Variants in XKR6 observed in about 807,000 individuals in gnomAD.
XKR6 encodes the protein XK-related protein 6.
In XKR6, 22 loss-of-function variants were observed where a neutral mutation model predicts 56.7. The observed-to-expected ratio is 0.39, with a 90% CI of 0.28 to 0.55. The LOEUF (loss-of-function observed/expected upper bound fraction) is 0.55. Ranked by LOEUF, XKR6 falls within the 20% of genes least tolerant of loss-of-function variation. The pLI, the probability that XKR6 is intolerant of heterozygous loss-of-function variation, is 0.66. For missense variants in XKR6, 852 were observed against 889.0 expected (o/e 0.96, Z 0.53); for synonymous variants, 524 against 387.8 (o/e 1.35, Z -4.13).
At chr8:10,900,170 C>T (rs13263210) in intron 2 of XKR6, among the ~76,000 whole-genome samples, 3,822 of 152,286 alleles carry the variant, frequency 0.025, 69 homozygotes, top group Middle Eastern at 0.054. Flanking sequence ...CCACGGAGCA[C>T]AATTCCCCCC....
At chr8:11,155,815 G>A (rs1405353899) in intron 1 of XKR6, among the ~76,000 whole-genome samples, 1 of 152,168 alleles carries the variant, frequency 6.6e-6, no homozygotes, top group East Asian at 1.9e-4. Flanking sequence ...ATGCAAACAT[G>A]ATCTTCTGTC....
intron 1 of XKR6, chr8:11,109,433 T>C (rs1798803082): frequency 6.6e-6 from 1 of 152,178 alleles, no homozygotes; most frequent in East Asian, 1.9e-4. Flanking sequence ...TCAAACTCAC[T>C]GTTAGGAAAT....
At chr8:11,092,715 C>T (rs993138896) in intron 1 of XKR6, among the ~76,000 whole-genome samples, 1 of 152,198 alleles carries the variant, frequency 6.6e-6, no homozygotes, top group Non-Finnish European at 1.5e-5. Context: ...CCTCATTCTG[C>T]CGGCTTCTGG....
At chr8:11,097,615 C>T (rs904850288) in intron 1 of XKR6, among the ~76,000 whole-genome samples, 11 of 151,788 alleles carry the variant, frequency 7.2e-5, no homozygotes, top group African/African-American at 2.4e-4. Flanking sequence ...CAAGACTAGC[C>T]TGGTCAACAT....
chr8:11,110,230 C>A (rs4841496), intron 1 of XKR6, among the ~76,000 whole-genome samples: 6,811 of 152,266 alleles, frequency 0.045, 227 homozygotes, highest in Middle Eastern at 0.14. Flanking sequence ...ACCTTGGCCT[C>A]CCAAAGTGCT....
intron 1 of XKR6, among the ~76,000 whole-genome samples, chr8:10,930,815 G>A (rs568280117): frequency 3.5e-4 from 53 of 152,296 alleles, no homozygotes; most frequent in African/African-American, 1.2e-3. Flanking sequence ...GAAACTCCCA[G>A]TTATCTTCCT....
intron 1 of XKR6, among the ~76,000 whole-genome samples, chr8:10,933,776 T>C (rs1801138117): frequency 1.3e-5 from 2 of 149,774 alleles, no homozygotes; most frequent in African/African-American, 2.5e-5. Flanking sequence ...TTGGTACCAG[T>C]ACCATGCTGT....
chr8:10,950,837 T>C (rs1187843815), intron 1 of XKR6, among the ~76,000 whole-genome samples: 1 of 152,104 alleles, frequency 6.6e-6, no homozygotes. Context: ...TTGCTAGAAG[T>C]TTCTCAGATG....
At chr8:11,194,770 A>G (rs532007613) in intron 1 of XKR6, 41 of 248,688 alleles carry the variant, frequency 1.6e-4, no homozygotes, top group South Asian at 4.4e-4. Context: ...TATAGTATCA[A>G]ATGATGTTGA....
At chr8:11,193,640 G>A (rs1803704539) in intron 1 of XKR6, among the ~76,000 whole-genome samples, 1 of 151,578 alleles carries the variant, frequency 6.6e-6, no homozygotes, top group South Asian at 2.1e-4. Flanking sequence ...TGACCTGATG[G>A]TATCACTAAA....
At chr8:11,141,102 A>G (rs113377058) in intron 1 of XKR6, among the ~76,000 whole-genome samples, 128 of 152,340 alleles carry the variant, frequency 8.4e-4, no homozygotes, top group African/African-American at 2.5e-3. Flanking sequence ...TGGTACAACA[A>G]TTAAACACAC....
chr8:11,094,068 G>C (rs1798178901), intron 1 of XKR6, among the ~76,000 whole-genome samples: 1 of 141,824 alleles, frequency 7.1e-6, no homozygotes, highest in South Asian at 2.2e-4. Flanking sequence ...ACAGGCGTGA[G>C]CCACCGCGCC....
At chr8:10,970,115 A>G (rs1407710874) in intron 1 of XKR6, among the ~76,000 whole-genome samples, 2 of 152,208 alleles carry the variant, frequency 1.3e-5, no homozygotes, top group African/African-American at 4.8e-5. Context: ...GGCTCTGGTC[A>G]GATGCCTCTG....
intron 1 of XKR6, among the ~76,000 whole-genome samples, chr8:10,962,710 C>G (rs1214145416): frequency 6.6e-6 from 1 of 152,084 alleles, no homozygotes; most frequent in Non-Finnish European, 1.5e-5. Flanking sequence ...ATTGCAACCT[C>G]TGTCTCCCGG....
intron 1 of XKR6, among the ~76,000 whole-genome samples, chr8:10,992,001 C>A (rs972304541): frequency 1.3e-5 from 2 of 152,158 alleles, no homozygotes; most frequent in African/African-American, 4.8e-5. Context: ...AGGTGGCCAA[C>A]AACAGATGTC....
At chr8:10,989,038 A>G (rs1797928700) in intron 1 of XKR6, among the ~76,000 whole-genome samples, 1 of 152,212 alleles carries the variant, frequency 6.6e-6, no homozygotes, top group Non-Finnish European at 1.5e-5. Flanking sequence ...TAGGCAAGCT[A>G]CATGCTTATG....
At chr8:11,144,460 AG>A (rs1220071158) in intron 1 of XKR6, among the ~76,000 whole-genome samples, 1 of 151,820 alleles carries the variant, frequency 6.6e-6, no homozygotes, top group African/African-American at 2.4e-5. Flanking sequence ...CTCAAAACTC[AG>A]AACCCTAGGA....
intron 1 of XKR6, among the ~76,000 whole-genome samples, chr8:11,058,090 G>A (rs1799731800): frequency 6.6e-6 from 1 of 152,254 alleles, no homozygotes; most frequent in East Asian, 1.9e-4. Context: ...ACTAAATATC[G>A]GACTGGGTCT....
intron 1 of XKR6, among the ~76,000 whole-genome samples, chr8:11,163,959 C>T (rs559792690): frequency 4.1e-4 from 63 of 152,274 alleles, no homozygotes; most frequent in Non-Finnish European, 8.2e-4. Context: ...ACAACCATCC[C>T]TCAAACCCAG....
Sources: allele counts gnomAD v4.1 joint callset (sites outside exome capture counted in the v4.1 genomes callset), GRCh38; gene constraint gnomAD v4.1.1; transcripts MANE v1.5; gene names NCBI Gene and HGNC (gene_info 2026-07-23, HGNC 2026-07-21).